The following NOVA1 variants were observed in gnomAD, a reference collection of about 807,000 sequenced individuals.
NOVA1 encodes NOVA alternative splicing regulator 1, also known as RNA-binding protein Nova-1.
NOVA1 carries 7 observed loss-of-function variants against 38.0 expected under a neutral mutation model. That is an observed-to-expected ratio of 0.18 (90% CI 0.10 to 0.35). The LOEUF is 0.35. Ranked by LOEUF, NOVA1 falls within the 10% of genes least tolerant of loss-of-function variation. NOVA1 has a pLI of 1.00. For synonymous variants in NOVA1, 270 were observed against 232.5 expected (o/e 1.16, Z -1.47); for missense variants, 460 against 616.0 (o/e 0.75, Z 2.68).
At chr14:26,557,510 T>C (rs1225985914) in intron 2 of NOVA1, among the ~76,000 whole-genome samples, 5 of 151,242 alleles carry the variant, frequency 3.3e-5, no homozygotes, top group African/African-American at 1.2e-4. Flanking sequence ...TACAGGCACA[T>C]GCTACCATGA....
chr14:26,593,786 T>C (rs1389697363), intron 2 of NOVA1: 2 of 151,968 alleles, frequency 1.3e-5, no homozygotes, highest in Non-Finnish European at 2.9e-5. Flanking sequence ...AAATAAACTA[T>C]ATTCAAATGA....
chr14:26,449,719 G>A (rs1333488733), intron 4 of NOVA1, among the ~76,000 whole-genome samples: 12 of 151,772 alleles, frequency 7.9e-5, no homozygotes, highest in East Asian at 3.9e-4. Context: ...CTAATTATTC[G>A]CTTTTTTGGC....
At chr14:26,569,375 A>C (rs1228457511) in intron 2 of NOVA1, among the ~76,000 whole-genome samples, 1 of 152,194 alleles carries the variant, frequency 6.6e-6, no homozygotes, top group East Asian at 1.9e-4. Context: ...TTTCCTCCTC[A>C]AAACACAAAC....
At chr14:26,594,280 C>T (rs1488585103) in intron 2 of NOVA1, 3 of 151,940 alleles carry the variant, frequency 2.0e-5, no homozygotes, top group East Asian at 1.9e-4. Context: ...CTAAAACCTT[C>T]TTATCCAGTA....
chr14:26,591,139 G>GT (rs1346998113), intron 2 of NOVA1, among the ~76,000 whole-genome samples: 1 of 151,524 alleles, frequency 6.6e-6, no homozygotes, highest in Non-Finnish European at 1.5e-5. Context: ...ATTGCTTAAA[G>GT]TAAGAAAATA....
intron 2 of NOVA1, among the ~76,000 whole-genome samples, chr14:26,579,779 T>C (rs1240522037): frequency 6.6e-6 from 1 of 152,074 alleles, no homozygotes; most frequent in East Asian, 1.9e-4. Flanking sequence ...TTTAGTAGAA[T>C]TACACTACTA....
intron 1 of NOVA1, chr14:26,596,666 C>T: frequency 1.1e-5 from 14 of 1,288,998 alleles, no homozygotes; most frequent in Non-Finnish European, 1.3e-5. Flanking sequence ...TCCAAGGAAG[C>T]GCAGGATGTT....
chr14:26,536,520 TA>T (rs983835758), intron 2 of NOVA1, among the ~76,000 whole-genome samples: 1 of 151,474 alleles, frequency 6.6e-6, no homozygotes, highest in East Asian at 1.9e-4. Flanking sequence ...GTTAAAAAAT[TA>T]AAAAAAATTT....
intron 4 of NOVA1, chr14:26,471,887 C>T (rs1420607847): frequency 7.6e-5 from 14 of 185,344 alleles, no homozygotes; most frequent in Non-Finnish European, 3.3e-5. Context: ...TAAGGCATGT[C>T]TCAAATAAAA....
chr14:26,473,014 C>G (rs929428749), intron 3 of NOVA1, among the ~76,000 whole-genome samples: 1 of 151,500 alleles, frequency 6.6e-6, no homozygotes, highest in Non-Finnish European at 1.5e-5. Context: ...AAACATTAAC[C>G]TCATATTAAT....
intron 2 of NOVA1, among the ~76,000 whole-genome samples, chr14:26,550,685 A>G (rs1594517804): frequency 6.6e-6 from 1 of 152,170 alleles, no homozygotes; most frequent in East Asian, 1.9e-4. Context: ...CTATGTATAT[A>G]CTACTCTGAA....
chr14:26,554,927 A>G (rs1431510336), intron 2 of NOVA1, among the ~76,000 whole-genome samples: 3 of 152,152 alleles, frequency 2.0e-5, no homozygotes, highest in African/African-American at 7.2e-5. Flanking sequence ...ATTTGTAAAC[A>G]GTAATATTAA....
In NOVA1 at chr14:26,595,057, T is replaced by C. The variant is rs553889976; in HGVS notation, c.280+353A>G. 4.6e-5 allele frequency among the ~76,000 whole-genome samples: 7 copies of C among 152,238 alleles called. No individual in the cohort carries two copies. In the East Asian group the frequency reaches 7.7e-4, roughly 17 times the overall value. ...CTCTTCTGAATTCACTCTAAGCTAA[T>C]TGTCATTACAATGATGTCTGAAAAC... On this transcript the variant is annotated intron_variant, in intron 2 of 4. Coordinates refer to ENST00000539517, the MANE Select transcript of NOVA1 (RefSeq NM_002515.3).
intron 2 of NOVA1, among the ~76,000 whole-genome samples, chr14:26,536,860 T>C (rs1055559513): frequency 6.6e-6 from 1 of 152,142 alleles, no homozygotes; most frequent in Non-Finnish European, 1.5e-5. Context: ...GCCAAGTTTT[T>C]AAAAGCACAC....
intron 2 of NOVA1, among the ~76,000 whole-genome samples, chr14:26,532,565 T>C (rs1322376200): frequency 1.3e-5 from 2 of 152,174 alleles, no homozygotes; most frequent in South Asian, 2.1e-4. Context: ...ATGGGAAGGA[T>C]GGTCTGGCAA....
intron 4 of NOVA1, among the ~76,000 whole-genome samples, chr14:26,461,034 G>A (rs1883618811): frequency 1.3e-5 from 2 of 152,168 alleles, no homozygotes; most frequent in South Asian, 4.1e-4. Flanking sequence ...TCTGTCTTGA[G>A]AACATGTTGT....
intron 2 of NOVA1, among the ~76,000 whole-genome samples, chr14:26,514,718 T>C (rs1888333273): frequency 1.3e-5 from 2 of 151,844 alleles, no homozygotes; most frequent in South Asian, 4.1e-4. Flanking sequence ...AAAACAGCCT[T>C]GATTTATTTC....
In NOVA1 at chr14:26,597,310, T is replaced by G; in HGVS notation, c.127A>C (p.Asn43His). ...TGGAAGCGATACCCACCGCCCGTATTGGTCCTCTTGGTGCTGCCGGCTTCA... is the reference window on the plus strand; with the variant it reads ...TGGAAGCGATACCCACCGCCCGTATGGGTCCTCTTGGTGCTGCCGGCTTCA... ...PPEAGSTKRT[N>H]TGEDGQYFLK... The change falls in exon 1 of 5, where the codon AAT becomes CAT. Residue 43 changes from asparagine to histidine, a missense_variant. Asn to His is a moderately conservative substitution (Grantham distance 68). Coordinates refer to ENST00000539517, the MANE Select transcript of NOVA1 (RefSeq NM_002515.3). The G allele has an allele frequency of 1.2e-5, 15 of 1,250,704 alleles. No homozygotes were observed. Among genetic ancestry groups the G allele is most frequent in the Non-Finnish European group, 1.5e-5 (15 of 990,218 alleles). 77.5% of individuals were successfully genotyped at this position (1,250,704 alleles called of 1,614,324 possible).
At chr14:26,496,335 G>C (rs767252278) in intron 2 of NOVA1, among the ~76,000 whole-genome samples, 2 of 152,152 alleles carry the variant, frequency 1.3e-5, no homozygotes, top group African/African-American at 2.4e-5. Flanking sequence ...CCCACTTTTT[G>C]ATGGGGTTGT....
Sources: allele counts gnomAD v4.1 joint callset (sites outside exome capture counted in the v4.1 genomes callset), GRCh38; gene constraint gnomAD v4.1.1; transcripts MANE v1.5; gene names NCBI Gene and HGNC (gene_info 2026-07-23, HGNC 2026-07-21).